The following ATR variants were observed in gnomAD, a reference collection of about 807,000 sequenced individuals.
ATR encodes ATR checkpoint kinase, also known as serine/threonine-protein kinase ATR.
A neutral mutation model predicts 305.3 loss-of-function variants in ATR; 142 were observed. The ratio of observed to expected loss-of-function variants is 0.47; its 90% CI spans 0.41 to 0.53. The LOEUF (loss-of-function observed/expected upper bound fraction) is 0.53, where lower values mean the gene tolerates loss of function less well. Among genes scored for constraint, ATR ranks in the 20% least tolerant of loss-of-function variants. The pLI is 0.00. For missense variants in ATR, 2,135 were observed against 3,133.1 expected (o/e 0.68, Z 7.60); for synonymous variants, 1,050 against 1,068.1 (o/e 0.98, Z 0.33).
chr3:142,466,461 T>A lies in ATR; in HGVS notation c.6760A>T (p.Thr2254Ser). 6.2e-7 allele frequency: 1 copy of A among 1,613,962 alleles called. No individual in the cohort carries two copies. The highest frequency in any genetic ancestry group is 8.5e-7 in the Non-Finnish European group (1 of 1,179,876). ...AGAGGAATGAGGATTTCACTAAATGTTGCTTCTTCTACCAGCTTTTTAAGC... is the reference window on the plus strand; with the variant it reads ...AGAGGAATGAGGATTTCACTAAATGATGCTTCTTCTACCAGCTTTTTAAGC... ...KMLKKLVEEATFSEILIPLQS... is the reference protein window; with the variant it reads ...KMLKKLVEEASFSEILIPLQS... Residue 2254 changes from threonine (T) to serine (S), a missense_variant, in exon 40 of 47, where the codon ACA (threonine) becomes TCA (serine). Transcript: ENST00000350721.
chr3:142,556,044 G>C lies in ATR; in HGVS notation c.2174C>G (p.Thr725Arg), dbSNP rs767124195. 7.4e-6 allele frequency: 12 copies of C among 1,613,964 alleles called. No individual in the cohort carries two copies. The highest frequency in any genetic ancestry group is 9.3e-6 in the Non-Finnish European group (11 of 1,179,996). Reference sequence around the variant, plus strand: ...AGAGAAAGGTTCTGTTAAAGAACTTGTCAGATAAAACATGCCGTGAAGAGT... The same window carrying C: ...AGAGAAAGGTTCTGTTAAAGAACTTCTCAGATAAAACATGCCGTGAAGAGT... ...VCTLHGMFYL[T>R]SSLTEPFSEH... Residue 725 changes from threonine to arginine, a missense_variant, in exon 10 of 47, where the codon ACA becomes AGA. Physicochemically the swap from Thr to Arg is moderately conservative, Grantham distance 71 (BLOSUM62 -1). Transcript: ENST00000350721.
At chr3:142,541,095 G>A in intron 17 of ATR, 61 bp from the exon 18 acceptor site, 1 of 1,584,658 alleles carries the variant, frequency 6.3e-7, no homozygotes, top group Non-Finnish European at 8.7e-7. Context: ...AAGCAGATGA[G>A]CCCTAAGGAC....
At chr3:142,558,927 C>G in intron 7 of ATR, 151 bp from the exon 8 acceptor site, 2 of 776,612 alleles carry the variant, frequency 2.6e-6, no homozygotes, top group Non-Finnish European at 2.0e-6. Flanking sequence ...GGTCTGAGGT[C>G]TGTGAACCCA....
intron 21 of ATR, among the ~76,000 whole-genome samples, chr3:142,529,717 A>AT (rs1310153229): frequency 6.6e-6 from 1 of 152,062 alleles, no homozygotes; most frequent in African/African-American, 2.4e-5. Context: ...ACTTTATGAC[A>AT]TTTTTTGACA....
intron 1 of ATR, among the ~76,000 whole-genome samples, chr3:142,577,829 C>T (rs369931959): frequency 9.2e-5 from 14 of 152,296 alleles, no homozygotes; most frequent in African/African-American, 2.6e-4. Flanking sequence ...CAAGCTCTAC[C>T]GAGTCTTTAG....
chr3:142,577,248 C>T (rs1189342332), intron 1 of ATR, among the ~76,000 whole-genome samples: 5 of 152,046 alleles, frequency 3.3e-5, no homozygotes, highest in African/African-American at 9.7e-5. Context: ...CTGATGAAAC[C>T]GACTATATAT....
rs879649993 is a variant in ATR, at chr3:142,450,330, G to A, written c.7762-728C>T. On this transcript the variant is annotated intron_variant, in intron 46 of 46. Transcript: ENST00000350721. ...TTGGTGAAGCACTTGAGCCATGTGC[G>A]TGAACCAAACCCAGTTCATTCAAGA... 36 of 1,191,728 alleles carry A rather than the reference G, an allele frequency of 3.0e-5. No individual in the cohort carries two copies. The Admixed American group carries it at 5.6e-4, about 18-fold the overall frequency. The allele number at this position is 1,191,728 out of a possible 1,614,324, so 73.8% of individuals were successfully genotyped here.
At position 142,529,277 on chromosome 3, in the gene ATR, A is replaced by C. The variant is rs1056391654; in HGVS notation, c.3946-5078T>G. ...TAAGGTAATTTTTTGAAATACCTAC[A>C]CTCCCTCTTTTCCTTATTTGACTTT... On this transcript the variant is annotated intron_variant, in intron 21 of 46. Coordinates refer to ENST00000350721, the MANE Select transcript of ATR (RefSeq NM_001184.4). Among the ~76,000 whole-genome samples, 20 of 151,954 alleles carry C rather than the reference A, an allele frequency of 1.3e-4. No individual in the cohort carries two copies. In the East Asian group the frequency reaches 1.4e-3, roughly 10 times the overall value.
intron 21 of ATR, among the ~76,000 whole-genome samples, chr3:142,528,412 C>G (rs1005832623): frequency 7.2e-5 from 11 of 152,144 alleles, no homozygotes; most frequent in Middle Eastern, 3.4e-3. Context: ...ATTAAATCTT[C>G]CTTATGAATT....
chr3:142,513,783 TG>T (rs1205445022), intron 25 of ATR, 145 bp from the exon 26 acceptor site: 12 of 943,252 alleles, frequency 1.3e-5, no homozygotes, highest in African/African-American at 1.2e-4. Flanking sequence ...TTAAATTATT[TG>T]GGGTTAAAGT....
intron 36 of ATR, among the ~76,000 whole-genome samples, chr3:142,476,578 C>G (rs567872449): frequency 6.6e-6 from 1 of 152,110 alleles, no homozygotes; most frequent in Non-Finnish European, 1.5e-5. Context: ...GCAATGCAGG[C>G]TCTTTTTTGG....
chr3:142,553,627 C>G lies in ATR; in HGVS notation c.2633+13G>C, dbSNP rs770434481. 2 of 1,583,276 alleles carry G rather than the reference C, an allele frequency of 1.3e-6. No individual in the cohort carries two copies. Among genetic ancestry groups the G allele is most frequent in the African/African-American group, 2.7e-5 (2 of 73,962 alleles). ...AAATAAATAAGGAAGAACACAAATGCTGCCAAGTATACCTTCCAATATCCC... is the reference window on the plus strand; with the variant it reads ...AAATAAATAAGGAAGAACACAAATGGTGCCAAGTATACCTTCCAATATCCC... On this transcript the variant is annotated intron_variant, in intron 12 of 46. Coordinates refer to ENST00000350721, the MANE Select transcript of ATR (RefSeq NM_001184.4).
In ATR at chr3:142,457,621, C is replaced by A; in HGVS notation, c.7638G>T (p.Gln2546His). 3 of 1,614,002 alleles carry A rather than the reference C, an allele frequency of 1.9e-6. No individual in the cohort carries two copies. In the South Asian group the frequency reaches 3.3e-5, roughly 18 times the overall value. The change falls in exon 45 of 47, where the codon CAG becomes CAT. Residue 2546 changes from glutamine to histidine, a missense_variant. Gln to His is a conservative substitution (Grantham distance 24). This residue lies in a region of ATR where 462 missense variants were observed against 887.6 expected (regional missense o/e 0.52). Transcript: ENST00000350721. ...CEVTMRLMRD[Q>H]REPLMSVLKT... ...GTGATTACCTCATTAAAGGCTCTCG[C>A]TGATCACGCATCAGCCTCATTGTAA...
intron 8 of ATR, among the ~76,000 whole-genome samples, chr3:142,556,970 T>G (rs1333209883): frequency 6.6e-6 from 1 of 152,214 alleles, no homozygotes; most frequent in Non-Finnish European, 1.5e-5. Flanking sequence ...CTGGTGTATC[T>G]TTGGAGAACA....
intron 3 of ATR, among the ~76,000 whole-genome samples, chr3:142,564,131 AG>A (rs1384674580): frequency 1.2e-4 from 18 of 152,136 alleles, no homozygotes; most frequent in Non-Finnish European, 4.4e-5. Flanking sequence ...ATTTTTAATT[AG>A]GGTACATACA....
At chr3:142,451,159 G>A (rs1577485693) in intron 46 of ATR, 1 of 1,216,804 alleles carries the variant, frequency 8.2e-7, no homozygotes, top group Admixed American at 3.2e-5. Flanking sequence ...CATCCACTGA[G>A]GAATCTTCCA....
At chr3:142,522,475 G>A (rs1392198375) in intron 23 of ATR, among the ~76,000 whole-genome samples, 1 of 152,050 alleles carries the variant, frequency 6.6e-6, no homozygotes, top group Admixed American at 6.6e-5. Flanking sequence ...AATGATTTAA[G>A]TAACTCATTT....
At chr3:142,497,982 A>T (rs2031744446) in intron 32 of ATR, among the ~76,000 whole-genome samples, 1 of 152,214 alleles carries the variant, frequency 6.6e-6, no homozygotes, top group Non-Finnish European at 1.5e-5. Context: ...GAACAGAATT[A>T]AACTCAGTGG....
In ATR at chr3:142,535,178, T is replaced by A. The variant is rs2108425202; in HGVS notation, c.3847A>T (p.Thr1283Ser). ...KETSESTDLQ[T>S]TLQLSMKAIQ... ...GCCTTCATAGAGAGCTGAAGAGTTG[T>A]CTGAAGATCAGTGCTCTCAGAGGTC... Residue 1283 changes from threonine to serine, a missense_variant, in exon 21 of 47, where the codon ACA becomes TCA. Thr to Ser is a moderately conservative substitution (Grantham distance 58). Coordinates refer to ENST00000350721, the MANE Select transcript of ATR (RefSeq NM_001184.4). 1 of 1,613,250 alleles carries A rather than the reference T, an allele frequency of 6.2e-7. No homozygotes were observed. The highest frequency in any genetic ancestry group is 8.5e-7 in the Non-Finnish European group (1 of 1,179,436).
Sources: gnomAD v4.1 joint callset for allele counts (sites outside exome capture counted in the v4.1 genomes callset) on GRCh38, gnomAD v4.1.1 for gene constraint, gnomAD v4.1.1 regional missense constraint, MANE v1.5 for transcripts, NCBI Gene and HGNC (gene_info 2026-07-23, HGNC 2026-07-21) for gene names.